Variants in LRP1B observed in about 807,000 individuals in gnomAD.
LRP1B encodes the protein low-density lipoprotein receptor-related protein 1B.
A neutral mutation model predicts 556.6 loss-of-function variants in LRP1B; 217 were observed. That is an observed-to-expected ratio of 0.39 (90% CI 0.35 to 0.44). LRP1B has a LOEUF of 0.44. LRP1B is among the 20% of genes least tolerant of loss of function. The probability of loss-of-function intolerance (pLI) is 1.00; values close to 1 mark genes in which losing one functional copy is unlikely to be tolerated. For synonymous variants in LRP1B, 2,047 were observed against 1,865.8 expected (o/e 1.10, Z -2.50); for missense variants, 5,053 against 5,620.8 (o/e 0.90, Z 3.23).
chr2:140,611,384 A>ATGT lies in LRP1B; in HGVS notation c.6800-9748_6800-9746dup, dbSNP rs530678519. Among the ~76,000 whole-genome samples, 4 of 152,304 alleles carry ATGT rather than the reference A, an allele frequency of 2.6e-5. No individual in the cohort carries two copies. In the South Asian group the frequency reaches 8.3e-4, roughly 32 times the overall value. On this transcript the variant is annotated intron_variant, in intron 41 of 90. Coordinates refer to ENST00000389484, the MANE Select transcript of LRP1B (RefSeq NM_018557.3). ...GTGGTGAGACTACTCGAAAATTAAA[A>ATGT]TGTTAGAAAATATCAAATTTTGATG...
intron 3 of LRP1B, among the ~76,000 whole-genome samples, chr2:141,385,022 A>C (rs1334286186): frequency 6.6e-6 from 1 of 152,100 alleles, no homozygotes; most frequent in Non-Finnish European, 1.5e-5. Flanking sequence ...GTGTCTTTCT[A>C]ATACCTTTGT....
At chr2:141,914,099 T>C (rs1415027893) in intron 1 of LRP1B, among the ~76,000 whole-genome samples, 1 of 152,168 alleles carries the variant, frequency 6.6e-6, no homozygotes, top group Non-Finnish European at 1.5e-5. Flanking sequence ...CTTTAGCCCA[T>C]CATACCTAGG....
intron 3 of LRP1B, among the ~76,000 whole-genome samples, chr2:141,405,323 T>TA (rs941723876): frequency 7.2e-5 from 11 of 152,234 alleles, no homozygotes; most frequent in Admixed American, 3.9e-4. Flanking sequence ...TAGTACATTT[T>TA]AAAAAAACTA....
intron 41 of LRP1B, among the ~76,000 whole-genome samples, chr2:140,681,097 G>C (rs917104994): frequency 2.0e-5 from 3 of 152,176 alleles, no homozygotes; most frequent in Non-Finnish European, 4.4e-5. Context: ...ACACATTCAT[G>C]ATGGGTACCA....
At chr2:140,383,682 A>G (rs1184429927) in intron 67 of LRP1B, among the ~76,000 whole-genome samples, 1 of 152,058 alleles carries the variant, frequency 6.6e-6, no homozygotes, top group Non-Finnish European at 1.5e-5. Flanking sequence ...ATGTAAACGT[A>G]CTCTTATACT....
intron 43 of LRP1B, among the ~76,000 whole-genome samples, chr2:140,579,095 G>C (rs1297892152): frequency 6.6e-6 from 1 of 152,072 alleles, no homozygotes; most frequent in African/African-American, 2.4e-5. Flanking sequence ...AAAGGAGAAG[G>C]GGAGAAATCT....
chr2:141,970,635 G>T (rs1304670572), intron 1 of LRP1B, among the ~76,000 whole-genome samples: 2 of 151,406 alleles, frequency 1.3e-5, no homozygotes, highest in Non-Finnish European at 3.0e-5. Flanking sequence ...TCAGCTCAAG[G>T]CTAGAAATAA....
intron 3 of LRP1B, among the ~76,000 whole-genome samples, chr2:141,464,607 T>TATATATATATATATATATATATATA (rs1295526699): frequency 6.7e-5 from 4 of 59,912 alleles, no homozygotes; most frequent in Admixed American, 1.8e-4. Flanking sequence ...TATATATATA[T>TATATATATATATATATATATATATA]TTTTTTAGTA....
At chr2:142,028,322 C>T (rs1248085535) in intron 1 of LRP1B, among the ~76,000 whole-genome samples, 5 of 151,930 alleles carry the variant, frequency 3.3e-5, no homozygotes, top group Admixed American at 6.6e-5. Flanking sequence ...TTATCTTGTG[C>T]TGTCCCTTTG....
At chr2:140,936,800 G>C (rs1039206745) in intron 20 of LRP1B, among the ~76,000 whole-genome samples, 2 of 152,012 alleles carry the variant, frequency 1.3e-5, no homozygotes, top group African/African-American at 4.8e-5. Flanking sequence ...AGATTAATGT[G>C]TTTTTAAAAA....
At chr2:140,313,479 T>C (rs1433306271) in intron 83 of LRP1B, among the ~76,000 whole-genome samples, 1 of 151,906 alleles carries the variant, frequency 6.6e-6, no homozygotes, top group Non-Finnish European at 1.5e-5. Context: ...CTGAGATGCA[T>C]TGCAGGTTCA....
rs1452434758 is a variant in LRP1B, at chr2:141,847,194, T to C, written c.83-36793A>G. ...CACACCCGAAACCAATTAGAAGATG[T>C]AATAGAAAATAAGATTCCATTTACT... On this transcript the variant is annotated intron_variant, in intron 1 of 90. Transcript: ENST00000389484. Among the ~76,000 whole-genome samples the C allele has an allele frequency of 5.9e-5, 9 of 151,670 alleles. No individual in the cohort carries two copies. In the East Asian group the frequency reaches 1.7e-3, roughly 29 times the overall value.
intron 2 of LRP1B, among the ~76,000 whole-genome samples, chr2:141,568,451 AAAG>A (rs1447338308): frequency 6.6e-6 from 1 of 151,098 alleles, no homozygotes; most frequent in Non-Finnish European, 1.5e-5. Context: ...TGAATATAAG[AAAG>A]AAGTTCTTTG....
At chr2:140,511,565 T>C (rs34954570) in intron 51 of LRP1B, among the ~76,000 whole-genome samples, 79,419 of 151,930 alleles carry the variant, frequency 0.52, 21,170 homozygotes, top group Middle Eastern at 0.67. Context: ...TCTCCCAAAG[T>C]GCTGGGGTTA....
At chr2:140,798,628 T>C (rs539611353) in intron 32 of LRP1B, among the ~76,000 whole-genome samples, 2 of 152,260 alleles carry the variant, frequency 1.3e-5, no homozygotes, top group South Asian at 4.1e-4. Flanking sequence ...CCCCAAATAG[T>C]TCCTTGTTAT....
At chr2:140,873,217 A>G (rs1693195641) in intron 25 of LRP1B, among the ~76,000 whole-genome samples, 1 of 152,086 alleles carries the variant, frequency 6.6e-6, no homozygotes, top group Non-Finnish European at 1.5e-5. Flanking sequence ...AGGTGTCAAA[A>G]TTTGCCATAG....
At chr2:140,803,335 C>A (rs1240063289) in intron 32 of LRP1B, among the ~76,000 whole-genome samples, 1 of 134,904 alleles carries the variant, frequency 7.4e-6, no homozygotes, top group Non-Finnish European at 1.5e-5. Flanking sequence ...AGTGCAGTGG[C>A]GCGCGATCTT....
chr2:141,220,505 T>C (rs1352322012), intron 6 of LRP1B, among the ~76,000 whole-genome samples: 2 of 150,426 alleles, frequency 1.3e-5, no homozygotes, highest in Non-Finnish European at 2.9e-5. Flanking sequence ...CTTCACGACA[T>C]CCAGGAGAAC....
chr2:140,350,998 A>G lies in LRP1B; in HGVS notation c.11691T>C (p.Asp3897=). The G allele has an allele frequency of 6.2e-7, 1 of 1,602,066 alleles. No individual in the cohort carries two copies. The highest frequency in any genetic ancestry group is 8.5e-7 in the Non-Finnish European group (1 of 1,170,128). ...TGAATGGATATATAAAACCCAGGAT[A>G]TCAGTGTCATTAGCAATGTAGAGAA... ...DQVLYIANDT[D]ILGFIYPFNY... Residue 3897 remains aspartate, a synonymous_variant, in exon 77 of 91, where the codon GAT becomes GAC. Coordinates refer to ENST00000389484, the MANE Select transcript of LRP1B (RefSeq NM_018557.3).
Sources: gnomAD v4.1 joint callset for allele counts (sites outside exome capture counted in the v4.1 genomes callset) on GRCh38, gnomAD v4.1.1 for gene constraint, MANE v1.5 for transcripts, NCBI Gene and HGNC (gene_info 2026-07-23, HGNC 2026-07-21) for gene names.